Variants in ACAP2 observed in about 807,000 individuals in gnomAD.
ACAP2 encodes the protein arf-GAP with coiled-coil, ANK repeat and PH domain-containing protein 2.
Under a neutral mutation model 115.8 loss-of-function variants are expected in ACAP2, and 39 were observed. That is an observed-to-expected ratio of 0.34 (90% CI 0.26 to 0.44). ACAP2 has a LOEUF of 0.44. ACAP2 is among the 20% of genes least tolerant of loss of function. The pLI is 1.00. For missense variants in ACAP2, 662 were observed against 927.6 expected, an observed-to-expected ratio of 0.71 and a Z score of 3.72; for synonymous variants, 289 against 315.8, an observed-to-expected ratio of 0.92 and a Z score of 0.90.
At position 195,327,728 on chromosome 3, in the gene ACAP2, G is replaced by A. The variant is rs546997385; in HGVS notation, c.670-769C>T. Among the ~76,000 whole-genome samples, 15 of 152,092 alleles carry A rather than the reference G, an allele frequency of 9.9e-5. 1 individual carries two copies. The highest frequency in any genetic ancestry group is 2.2e-4 in the African/African-American group (9 of 41,482). On this transcript the variant is annotated intron_variant, in intron 8 of 22. Coordinates refer to ENST00000326793, the MANE Select transcript of ACAP2 (RefSeq NM_012287.6). ...GGGCGGATCACGAGGTCAGGACTTC[G>A]AGAACAGCCTGGCCAACATAGAGAA...
At chr3:195,380,908 G>T in intron 4 of ACAP2, 101 bp downstream of exon 4, 3 of 1,033,746 alleles carry the variant, frequency 2.9e-6, no homozygotes, top group South Asian at 1.5e-5. Flanking sequence ...ACCAATCAAA[G>T]CCATGTAATT....
intron 22 of ACAP2, among the ~76,000 whole-genome samples, chr3:195,280,983 A>G (rs1173291333): frequency 1.3e-5 from 2 of 152,226 alleles, no homozygotes; most frequent in African/African-American, 4.8e-5. Flanking sequence ...GTCAGTTTTT[A>G]AAAAGTGAGA....
chr3:195,437,210 AT>A (rs56874761), intron 1 of ACAP2, among the ~76,000 whole-genome samples: 45,434 of 147,316 alleles, frequency 0.31, 7,767 homozygotes, highest in East Asian at 0.81. Flanking sequence ...CATTTGGCTA[AT>A]TTTTTTTTTT....
chr3:195,288,782 T>C (rs1275705038), intron 21 of ACAP2, among the ~76,000 whole-genome samples: 2 of 152,026 alleles, frequency 1.3e-5, no homozygotes, highest in Non-Finnish European at 2.9e-5. Flanking sequence ...GGCTTGAATC[T>C]GGGAGGTGGA....
intron 1 of ACAP2, among the ~76,000 whole-genome samples, chr3:195,406,668 T>C (rs971502227): frequency 6.6e-6 from 1 of 152,200 alleles, no homozygotes; most frequent in African/African-American, 2.4e-5. Flanking sequence ...TCAGTTCCCC[T>C]TTTGTTCCAG....
intron 10 of ACAP2, among the ~76,000 whole-genome samples, chr3:195,311,084 GTTTTTTTGTTT>G (rs1560229285): frequency 1.6e-5 from 2 of 122,582 alleles, no homozygotes; most frequent in East Asian, 3.0e-4. Context: ...TTTCATTGTG[GTTTTTTTGTTT>G]TTTTTTTGTT....
intron 2 of ACAP2, 94 bp downstream of exon 2, chr3:195,391,996 A>G (rs1577404094): frequency 3.8e-6 from 4 of 1,044,860 alleles, no homozygotes; most frequent in Non-Finnish European, 5.7e-6. Context: ...CTCTGTCTCC[A>G]AAAAATAAAA....
chr3:195,441,369 T>G (rs1338653960), intron 1 of ACAP2, among the ~76,000 whole-genome samples: 2 of 152,198 alleles, frequency 1.3e-5, no homozygotes, highest in Non-Finnish European at 2.9e-5. Context: ...CCTTCAATAA[T>G]GCAGAACATA....
intron 4 of ACAP2, among the ~76,000 whole-genome samples, chr3:195,363,622 TACACACAC>T (rs546329426): frequency 6.8e-6 from 1 of 147,056 alleles, no homozygotes; most frequent in Admixed American, 6.8e-5. Context: ...TGAAACCACA[TACACACAC>T]ACACACACAC....
intron 4 of ACAP2, chr3:195,350,061 A>T (rs1731448395): frequency 6.0e-6 from 1 of 167,534 alleles, no homozygotes; most frequent in South Asian, 1.5e-4. Context: ...TGAGCAAATC[A>T]TACACACACA....
At chr3:195,388,577 G>A (rs1734450064) in intron 2 of ACAP2, among the ~76,000 whole-genome samples, 1 of 152,176 alleles carries the variant, frequency 6.6e-6, no homozygotes, top group Non-Finnish European at 1.5e-5. Context: ...ACAAAGCTAT[G>A]AAATCATTAA....
intron 2 of ACAP2, among the ~76,000 whole-genome samples, chr3:195,389,540 C>G (rs371016251): frequency 6.6e-6 from 1 of 152,224 alleles, no homozygotes; most frequent in Non-Finnish European, 1.5e-5. Flanking sequence ...CTCTGTGATT[C>G]TAGAAGGACT....
chr3:195,382,337 C>G (rs892366906), intron 2 of ACAP2, among the ~76,000 whole-genome samples: 3 of 151,608 alleles, frequency 2.0e-5, no homozygotes, highest in Admixed American at 6.6e-5. Flanking sequence ...TCTATCAACG[C>G]AGATAGCTAA....
At chr3:195,438,954 G>C (rs530454259) in intron 1 of ACAP2, among the ~76,000 whole-genome samples, 1 of 152,034 alleles carries the variant, frequency 6.6e-6, no homozygotes, top group Non-Finnish European at 1.5e-5. Flanking sequence ...CCAGTTACTC[G>C]GGAGGCTGAG....
chr3:195,410,270 A>G (rs186970466), intron 1 of ACAP2, among the ~76,000 whole-genome samples: 27 of 152,356 alleles, frequency 1.8e-4, no homozygotes, highest in Admixed American at 1.4e-3. Flanking sequence ...AATTAACTCA[A>G]AAGAGATCCA....
At chr3:195,425,414 T>TATA (rs1714611025) in intron 1 of ACAP2, among the ~76,000 whole-genome samples, 1 of 152,242 alleles carries the variant, frequency 6.6e-6, no homozygotes, top group Non-Finnish European at 1.5e-5. Flanking sequence ...ATGGAGAATG[T>TATA]ATAACTATTT....
At chr3:195,368,769 C>G (rs1372118718) in intron 4 of ACAP2, among the ~76,000 whole-genome samples, 1 of 152,016 alleles carries the variant, frequency 6.6e-6, no homozygotes, top group African/African-American at 2.4e-5. Flanking sequence ...ATAGTAACTC[C>G]TAACCATAAA....
At chr3:195,414,090 T>C (rs542119363) in intron 1 of ACAP2, among the ~76,000 whole-genome samples, 9 of 152,210 alleles carry the variant, frequency 5.9e-5, no homozygotes, top group East Asian at 1.9e-4. Flanking sequence ...CGTTAGAGAA[T>C]TGCAGATTAA....
chr3:195,306,603 GGA>G lies in ACAP2; in HGVS notation c.1022_1023del (p.Leu341ProfsTer13). ...TGGCGCAGCTTTTCGGAATCTGCCTGGAGCATGCAACTTCTAAAAGGAAATAA... is the reference window on the plus strand; with the variant it reads ...TGGCGCAGCTTTTCGGAATCTGCCTGGCATGCAACTTCTAAAAGGAAATAA... ...EVVSPTKSCMLQADSEKLRQA... is the reference protein window; with the variant it reads ...EVVSPTKSCMXQADSEKLRQA... On this transcript the variant is annotated frameshift_variant, in exon 13 of 23. Transcript: ENST00000326793. LOFTEE classifies it high-confidence loss of function. 1 of 1,611,226 alleles carries G rather than the reference GGA, an allele frequency of 6.2e-7. No homozygotes were observed. Among genetic ancestry groups the G allele is most frequent in the Non-Finnish European group, 8.5e-7 (1 of 1,178,824 alleles).
Sources: allele counts gnomAD v4.1 joint callset (sites outside exome capture counted in the v4.1 genomes callset), GRCh38; gene constraint gnomAD v4.1.1; transcripts MANE v1.5; gene names NCBI Gene and HGNC (gene_info 2026-07-23, HGNC 2026-07-21).